The following CACNA1D variants were observed in gnomAD, a reference collection of about 807,000 sequenced individuals.
CACNA1D encodes the protein voltage-dependent L-type calcium channel subunit alpha-1D.
A neutral mutation model predicts 257.1 loss-of-function variants in CACNA1D; 55 were observed. The ratio of observed to expected loss-of-function variants is 0.21; its 90% CI spans 0.17 to 0.27. The LOEUF is 0.27. Ranked by LOEUF, CACNA1D falls within the 10% of genes least tolerant of loss-of-function variation. The probability of loss-of-function intolerance (pLI) is 1.00; values close to 1 mark genes in which losing one functional copy is unlikely to be tolerated. For missense variants in CACNA1D, 1,876 were observed against 2,784.0 expected (o/e 0.67, Z 7.34); for synonymous variants, 980 against 1,014.9 (o/e 0.97, Z 0.65).
rs147348193 is a variant in CACNA1D, at chr3:53,555,462, T to G, written c.483+53742T>G. 7.8e-3 allele frequency among the ~76,000 whole-genome samples: 756 copies of G among 97,478 alleles called. 1 individual carries two copies. Among genetic ancestry groups the G allele is most frequent in the African/African-American group, 0.019 (447 of 23,034 alleles). 63.9% of individuals were successfully genotyped at this position (97,478 alleles called of 152,430 possible). A position where few individuals can be genotyped will look rare whatever the true frequency, so the allele number is the denominator to read the frequency against. On this transcript the variant is annotated intron_variant, in intron 3 of 47. Transcript: ENST00000350061. ...GGTGTGTGTGTGTGTGTGTGTGTGT[T>G]TTTTTTTTTTTTTTTTTTTTCTGAG... is the stretch of plus-strand genomic sequence containing the variant.
At chr3:53,694,124 C>A (rs1337786908) in intron 8 of CACNA1D, among the ~76,000 whole-genome samples, 1 of 152,160 alleles carries the variant, frequency 6.6e-6, no homozygotes, top group African/African-American at 2.4e-5. Flanking sequence ...TTGGCTGAGC[C>A]AGGGGTCCAG....
chr3:53,744,651 A>G, intron 22 of CACNA1D, 89 bp from the exon 23 acceptor site: 4 of 812,542 alleles, frequency 4.9e-6, no homozygotes, highest in Non-Finnish European at 6.7e-6. Context: ...CAGGGATACT[A>G]AAGTGAAGAT....
intron 9 of CACNA1D, among the ~76,000 whole-genome samples, chr3:53,715,399 A>G (rs1042280619): frequency 9.2e-5 from 14 of 152,196 alleles, no homozygotes; most frequent in Admixed American, 8.5e-4. Context: ...CAGAGAAAAT[A>G]CAAACCAAGA....
chr3:53,683,727 CAG>C (rs1356484946), intron 8 of CACNA1D, among the ~76,000 whole-genome samples: 7 of 152,072 alleles, frequency 4.6e-5, no homozygotes, highest in African/African-American at 1.7e-4. Flanking sequence ...TAAATAGAAA[CAG>C]TACAATATCT....
At chr3:53,715,635 T>C (rs2094810393) in intron 9 of CACNA1D, among the ~76,000 whole-genome samples, 1 of 152,166 alleles carries the variant, frequency 6.6e-6, no homozygotes, top group African/African-American at 2.4e-5. Context: ...CTTACCCTTT[T>C]ACAGGTGAGG....
In CACNA1D at chr3:53,731,130, C is replaced by A; in HGVS notation, c.2390C>A (p.Ala797Asp). Residue 797 changes from alanine (A) to aspartate (D), a missense_variant, in exon 17 of 48, where the codon GCC becomes GAC. Around this residue, in one of 10 missense-constraint regions of CACNA1D, gnomAD observed 78 missense variants for 69.2 expected, o/e 1.13. Transcript: ENST00000350061. ...KNNKPEVNQIANSDNKVTIDD... is the reference protein window; with the variant it reads ...KNNKPEVNQIDNSDNKVTIDD... ...AACAAACCAGAAGTCAACCAGATAG[C>A]CAACAGTGACAACAAGGTATGTATT... is the stretch of plus-strand genomic sequence containing the variant. The A allele has an allele frequency of 1.2e-6, 2 of 1,608,792 alleles. No individual in the cohort carries two copies. The highest frequency in any genetic ancestry group is 1.7e-6 in the Non-Finnish European group (2 of 1,175,154).
chr3:53,775,178 A>G (rs2095389993), intron 34 of CACNA1D, among the ~76,000 whole-genome samples: 1 of 152,234 alleles, frequency 6.6e-6, no homozygotes, highest in Admixed American at 6.5e-5. Context: ...AAGTATTTCT[A>G]ATGACTCTAG....
chr3:53,803,606 G>A lies in CACNA1D; in HGVS notation c.5585+34G>A, dbSNP rs1263123211. 3 of 1,609,072 alleles carry A rather than the reference G, an allele frequency of 1.9e-6. No individual in the cohort carries two copies. The African/African-American group carries it at 4.0e-5, about 21-fold the overall frequency. The stretch of plus-strand genomic sequence containing the variant: ...CTCTGGCTCCTGTGGAGAGCGGGAG[G>A]CCGCCCTGCCCTGGTGCTCGGCCCA... On this transcript the variant is annotated intron_variant, in intron 44 of 47. Transcript: ENST00000350061.
intron 3 of CACNA1D, among the ~76,000 whole-genome samples, chr3:53,594,598 A>G (rs1326057408): frequency 2.0e-5 from 3 of 152,256 alleles, no homozygotes; most frequent in Admixed American, 6.5e-5. Context: ...AAGGGTGGTC[A>G]GGGAAGGCCA....
chr3:53,760,461 A>G (rs2095294718), intron 29 of CACNA1D, among the ~76,000 whole-genome samples: 2 of 152,204 alleles, frequency 1.3e-5, no homozygotes, highest in African/African-American at 2.4e-5. Flanking sequence ...CCCATTTTAT[A>G]TAATATGTAC....
At chr3:53,744,888 C>G in intron 23 of CACNA1D, 61 bp downstream of exon 23, 1 of 900,684 alleles carries the variant, frequency 1.1e-6, no homozygotes, top group South Asian at 1.3e-5. Flanking sequence ...TAATTACTGG[C>G]TCTTCTGGGC....
intron 8 of CACNA1D, among the ~76,000 whole-genome samples, chr3:53,694,946 T>C (rs563034468): frequency 1.3e-5 from 2 of 152,312 alleles, no homozygotes; most frequent in Non-Finnish European, 2.9e-5. Context: ...TGTGTTTGTC[T>C]ATTCCATCTA....
intron 35 of CACNA1D, 149 bp from the exon 36 acceptor site, chr3:53,776,453 CT>C: frequency 2.1e-6 from 2 of 942,008 alleles, no homozygotes; most frequent in South Asian, 3.2e-5. Context: ...ACACTCTTTT[CT>C]TAAACATTCT....
At chr3:53,659,177 G>T (rs2108320803) in intron 4 of CACNA1D, among the ~76,000 whole-genome samples, 1 of 152,310 alleles carries the variant, frequency 6.6e-6, no homozygotes, top group Non-Finnish European at 1.5e-5. Flanking sequence ...TTGTTTAAAA[G>T]AGCAAAAGTC....
chr3:53,808,370 C>T (rs916612448), intron 45 of CACNA1D: 17 of 390,468 alleles, frequency 4.4e-5, no homozygotes, highest in South Asian at 1.5e-4. Flanking sequence ...GCTGAGATTG[C>T]GCCACTGCAC....
Position 53,596,375 on chromosome 3 carries a change from T to C in CACNA1D, c.484-54404T>C, listed in dbSNP as rs1304020207. Among the ~76,000 whole-genome samples the C allele has an allele frequency of 4.6e-5, 7 of 152,186 alleles. No homozygotes were observed. The East Asian group carries it at 5.8e-4, about 13-fold the overall frequency. On this transcript the variant is annotated intron_variant, in intron 3 of 47. Coordinates refer to ENST00000350061, the MANE Select transcript of CACNA1D (RefSeq NM_001128840.3). The stretch of plus-strand genomic sequence containing the variant: ...GGGGGAGAGTCTGCCAGGAGATAGG[T>C]GCCCTGAGTAGTGGTCTTCTCTTGG...
At chr3:53,729,738 A>G (rs529620853) in intron 15 of CACNA1D, among the ~76,000 whole-genome samples, 4 of 152,340 alleles carry the variant, frequency 2.6e-5, no homozygotes, top group Middle Eastern at 3.4e-3. Context: ...AGCCTCGGGA[A>G]GCAATTTGTC....
At chr3:53,796,216 A>T (rs544728252) in intron 40 of CACNA1D, 4 of 394,432 alleles carry the variant, frequency 1.0e-5, no homozygotes, top group South Asian at 7.2e-5. Flanking sequence ...AGAACTTGTC[A>T]CCAGCGAGAC....
At chr3:53,590,500 T>C (rs186737407) in intron 3 of CACNA1D, among the ~76,000 whole-genome samples, 22 of 152,334 alleles carry the variant, frequency 1.4e-4, no homozygotes, top group Admixed American at 9.8e-4. Flanking sequence ...AGAAATCCTA[T>C]TGCCTTGGCA....
Sources: allele counts gnomAD v4.1 joint callset (sites outside exome capture counted in the v4.1 genomes callset), GRCh38; gene constraint gnomAD v4.1.1; regional missense constraint gnomAD v4.1.1; transcripts MANE v1.5; gene names NCBI Gene and HGNC (gene_info 2026-07-23, HGNC 2026-07-21).